ARID1A: variants seen among roughly 807,000 people sequenced by gnomAD.
ARID1A encodes the protein AT-rich interactive domain-containing protein 1A.
In ARID1A, 20 loss-of-function variants were observed where a neutral mutation model predicts 212.6. The observed-to-expected ratio is 0.09, with a 90% CI of 0.07 to 0.14. ARID1A has a LOEUF of 0.14. Ranked by LOEUF, ARID1A falls within the 10% of genes least tolerant of loss-of-function variation. ARID1A has a pLI of 1.00. For synonymous variants in ARID1A, 1,376 were observed against 1,222.1 expected (o/e 1.13, Z -2.63); for missense variants, 2,587 against 3,059.0 (o/e 0.85, Z 3.64).
chr1:26,760,651 G>T (rs1447128719), intron 4 of ARID1A, among the ~76,000 whole-genome samples: 1 of 151,828 alleles, frequency 6.6e-6, no homozygotes, highest in Non-Finnish European at 1.5e-5. Flanking sequence ...ACGTGCCATT[G>T]CACTCCAGCC....
chr1:26,767,652 T>C, intron 10 of ARID1A, 138 bp from the exon 11 acceptor site: 1 of 894,634 alleles, frequency 1.1e-6, no homozygotes, highest in Non-Finnish European at 1.6e-6. Context: ...CCCTTCAACC[T>C]TATGAAGGTA....
At chr1:26,775,352 G>A in intron 18 of ARID1A, 132 bp downstream of exon 18, 1 of 1,430,642 alleles carries the variant, frequency 7.0e-7, no homozygotes, top group Non-Finnish European at 9.2e-7. Context: ...AAGAACTTTG[G>A]AAAAGGAAGA....
chr1:26,772,994 G>T lies in ARID1A; in HGVS notation c.3715+7G>T. On this transcript the variant is annotated splice_region_variant and intron_variant, in intron 14 of 19. Coordinates refer to ENST00000324856, the MANE Select transcript of ARID1A (RefSeq NM_006015.6). ...TATGGCAGCATGAGGAAAGGTGACT[G>T]ATCTGATTGCTATTTGAACTTGTGC... is the stretch of plus-strand genomic sequence containing the variant. 6.2e-7 allele frequency: 1 copy of T among 1,600,830 alleles called. No individual in the cohort carries two copies. The highest frequency in any genetic ancestry group is 2.2e-5 in the East Asian group (1 of 44,554).
intron 19 of ARID1A, among the ~76,000 whole-genome samples, chr1:26,777,621 A>G (rs1264107526): frequency 6.6e-6 from 1 of 152,056 alleles, no homozygotes; most frequent in Non-Finnish European, 1.5e-5. Context: ...TGATTCTCCC[A>G]CTTCAACCTT....
At chr1:26,759,213 T>C (rs552225033) in intron 4 of ARID1A, among the ~76,000 whole-genome samples, 16 of 152,308 alleles carry the variant, frequency 1.1e-4, no homozygotes, top group African/African-American at 2.2e-4. Context: ...GTTTGTTTGT[T>C]TGTTTTTGAG....
rs36087588 is a variant in ARID1A at position 26,748,608 on chromosome 1, CTT to C, written c.1921-12229_1921-12228del. 5.1e-3 allele frequency among the ~76,000 whole-genome samples: 595 copies of C among 117,678 alleles called. 2 individuals carry two copies. Among genetic ancestry groups the C allele is most frequent in the African/African-American group, 0.017 (545 of 31,544 alleles). 77.2% of individuals were successfully genotyped at this position (117,678 alleles called of 152,430 possible). A position where few individuals can be genotyped will look rare whatever the true frequency, so the allele number is the denominator to read the frequency against. ...CTCAGGCCCAGCTCTGACCCAGATT[CTT>C]TTTTTTTTTTTTTTTTTTGTCAGAT... On this transcript the variant is annotated intron_variant, in intron 4 of 19. Coordinates refer to ENST00000324856, the MANE Select transcript of ARID1A (RefSeq NM_006015.6).
At chr1:26,728,018 T>G (rs1479660327) in intron 1 of ARID1A, 1 of 152,230 alleles carries the variant, frequency 6.6e-6, no homozygotes, top group Non-Finnish European at 1.5e-5. Flanking sequence ...GCTCTAAAAT[T>G]ATGATAGGGA....
intron 4 of ARID1A, chr1:26,752,861 A>G (rs1268263749): frequency 6.6e-6 from 1 of 152,188 alleles, no homozygotes; most frequent in Non-Finnish European, 1.5e-5. Flanking sequence ...CGTAGGATTT[A>G]CCTGGTTCTC....
Position 26,780,462 on chromosome 1 carries a change from G to C in ARID1A, c.6564G>C (p.Gln2188His), listed in dbSNP as rs2124150508. ...DSLAARAIAV[Q>H]KGSIGNLLGF... ...TGGCAGCTCGTGCCATTGCAGTGCA[G>C]AAGGGCAGTATCGGCAACCTCCTGG... Residue 2188 changes from glutamine to histidine, a missense_variant, in exon 20 of 20, where the codon CAG (glutamine) becomes CAC (histidine). By Grantham distance (24) the Gln-to-His change is conservative. Coordinates refer to ENST00000324856, the MANE Select transcript of ARID1A (RefSeq NM_006015.6). The surrounding 1 kb of genome is among the most constrained non-coding windows in gnomAD (Gnocchi z 7.2). 6.2e-7 allele frequency: 1 copy of C among 1,614,248 alleles called. No individual in the cohort carries two copies. The highest frequency in any genetic ancestry group is 8.5e-7 in the Non-Finnish European group (1 of 1,180,042).
Position 26,780,910 on chromosome 1 carries a change from C to A in ARID1A, c.*154C>A. The A allele has an allele frequency of 9.0e-7, 1 of 1,106,350 alleles. No homozygotes were observed. Among genetic ancestry groups the A allele is most frequent in the Non-Finnish European group, 1.3e-6 (1 of 798,294 alleles). 68.5% of individuals were successfully genotyped at this position (1,106,350 alleles called of 1,614,324 possible). ...TTGGGAAAAAGTCTCTCCTGTTTCT[C>A]TCTCCTCCTTCCACCTCCCCTCCCT... On this transcript the variant is annotated 3_prime_UTR_variant, in exon 20 of 20. Transcript: ENST00000324856. This position sits in a 1 kb window ranked among gnomAD's most constrained non-coding sequence, Gnocchi z 7.2.
intron 4 of ARID1A, among the ~76,000 whole-genome samples, chr1:26,742,827 G>A (rs1347131145): frequency 6.6e-6 from 1 of 152,034 alleles, no homozygotes; most frequent in African/African-American, 2.4e-5. Context: ...AAATTTAGCT[G>A]GGCGTGGTGG....
intron 4 of ARID1A, among the ~76,000 whole-genome samples, chr1:26,736,310 T>C (rs2080728911): frequency 8.5e-6 from 1 of 118,326 alleles, no homozygotes; most frequent in Non-Finnish European, 1.7e-5. Flanking sequence ...TAGTTGACAG[T>C]GAACTCCATC....
intron 6 of ARID1A, among the ~76,000 whole-genome samples, chr1:26,761,911 G>C (rs2080996321): frequency 6.6e-6 from 1 of 152,080 alleles, no homozygotes; most frequent in African/African-American, 2.4e-5. Context: ...TTTGGTTTTT[G>C]TCATTGTTCT....
chr1:26,776,422 C>T (rs891718301), intron 19 of ARID1A, among the ~76,000 whole-genome samples: 1 of 151,682 alleles, frequency 6.6e-6, no homozygotes, highest in African/African-American at 2.4e-5. Flanking sequence ...TACAGGCGCC[C>T]GCCACCACGC....
rs575154773 is a variant in ARID1A, at chr1:26,766,910, G to T, written c.2988+344G>T. On this transcript the variant is annotated intron_variant, in intron 10 of 19. Coordinates refer to ENST00000324856, the MANE Select transcript of ARID1A (RefSeq NM_006015.6). Reference sequence around the variant, plus strand: ...CTATACTCAAGCATTGATAGATGGGGTGTGCCATGGGCAACTAGTTGCTCT... The same window carrying T: ...CTATACTCAAGCATTGATAGATGGGTTGTGCCATGGGCAACTAGTTGCTCT... Among the ~76,000 whole-genome samples, 4 of 152,268 alleles carry T rather than the reference G, an allele frequency of 2.6e-5. No individual in the cohort carries two copies. The South Asian group carries it at 8.3e-4, about 32-fold the overall frequency.
intron 1 of ARID1A, among the ~76,000 whole-genome samples, chr1:26,724,263 T>C (rs2080595537): frequency 6.6e-6 from 1 of 152,178 alleles, no homozygotes; most frequent in Admixed American, 6.5e-5. Flanking sequence ...TCCTCTCTGA[T>C]GGACACCTTT....
At chr1:26,765,004 C>T (rs1335640272) in intron 8 of ARID1A, 1 of 145,134 alleles carries the variant, frequency 6.9e-6, no homozygotes, top group Non-Finnish European at 1.6e-5. Flanking sequence ...CAAGACCAGC[C>T]TGCCCAGCAT....
chr1:26,724,292 A>G (rs1570569222), intron 1 of ARID1A, among the ~76,000 whole-genome samples: 1 of 152,106 alleles, frequency 6.6e-6, no homozygotes, highest in Non-Finnish European at 1.5e-5. Flanking sequence ...TCCTGGCCCA[A>G]CCCTCTCTGT....
chr1:26,706,901 C>G lies in ARID1A; in HGVS notation c.1137+9361C>G, dbSNP rs139207322. The stretch of plus-strand genomic sequence containing the variant: ...TAGGTTTGGATAACCGGCTTTTAGT[C>G]TCCAGATTTCTAACATTGTGCTTGT... On this transcript the variant is annotated intron_variant, in intron 1 of 19. Coordinates refer to ENST00000324856, the MANE Select transcript of ARID1A (RefSeq NM_006015.6). 5.1e-3 allele frequency among the ~76,000 whole-genome samples: 779 copies of G among 152,290 alleles called. 10 individuals carry two copies. Among genetic ancestry groups the G allele is most frequent in the African/African-American group, 0.018 (746 of 41,560 alleles).
Sources: gnomAD v4.1 joint callset for allele counts (sites outside exome capture counted in the v4.1 genomes callset) on GRCh38, gnomAD v4.1.1 for gene constraint, Gnocchi (gnomAD v3.1) non-coding constraint, MANE v1.5 for transcripts, NCBI Gene and HGNC (gene_info 2026-07-23, HGNC 2026-07-21) for gene names.